Variants in PEX11B observed in about 807,000 individuals in gnomAD.
The protein encoded by PEX11B is peroxisomal biogenesis factor 11 beta.
A neutral mutation model predicts 28.2 loss-of-function variants in PEX11B; 18 were observed. That is an observed-to-expected ratio of 0.64 (90% CI 0.44 to 0.95). The LOEUF is 0.95. Ranked by LOEUF, PEX11B falls within the 40% of genes least tolerant of loss-of-function variation. The probability of loss-of-function intolerance (pLI) is 0.00; values close to 1 mark genes in which losing one functional copy is unlikely to be tolerated. For missense variants in PEX11B, 305 were observed against 319.8 expected, an observed-to-expected ratio of 0.95 and a Z score of 0.35; for synonymous variants, 128 against 128.7, an observed-to-expected ratio of 0.99 and a Z score of 0.04.
chr1:145,913,652 C>T (rs1035945587), intron 3 of PEX11B, among the ~76,000 whole-genome samples: 12 of 151,580 alleles, frequency 7.9e-5, no homozygotes, highest in African/African-American at 2.9e-4. Flanking sequence ...CTCAACTTGA[C>T]CTATAACAAG....
At chr1:145,917,057 T>A (rs1553754031) in intron 2 of PEX11B, 39 bp from the exon 3 acceptor site, 3 of 1,288,106 alleles carry the variant, frequency 2.3e-6, no homozygotes, top group Non-Finnish European at 3.4e-6. Flanking sequence ...GATTTGTAAG[T>A]GGAGAGGCAG....
rs932467909 is a variant in PEX11B at position 145,916,993 on chromosome 1, A to G, written c.198T>C (p.Asp66=). The G allele has an allele frequency of 2.5e-6, 4 of 1,613,086 alleles. No homozygotes were observed. Among genetic ancestry groups the G allele is most frequent in the Non-Finnish European group, 2.5e-6 (3 of 1,178,978 alleles). ...CAGCTCTTTTGGCTGACTCAAGGGC[A>G]TCTGCTGAGTTACCCAGGCGTAGAA... ...RKLLRLGNSA[D]ALESAKRAVH... Residue 66 remains aspartate (D), a synonymous_variant, in exon 3 of 4, where the codon GAT becomes GAC. Transcript: ENST00000369306.
At chr1:145,913,114 T>A (rs1459830040) in intron 3 of PEX11B, among the ~76,000 whole-genome samples, 1 of 147,582 alleles carries the variant, frequency 6.8e-6, no homozygotes, top group Non-Finnish European at 1.5e-5. Flanking sequence ...GGCTAACTCA[T>A]AGGGGCACAG....
chr1:145,915,542 T>G (rs1315661088), intron 3 of PEX11B, among the ~76,000 whole-genome samples: 1 of 152,076 alleles, frequency 6.6e-6, no homozygotes, highest in Non-Finnish European at 1.5e-5. Context: ...GTCAGCTACC[T>G]CCTTTGTCCA....
At chr1:145,913,592 A>AACAC (rs56031424) in intron 3 of PEX11B, among the ~76,000 whole-genome samples, 7,567 of 142,678 alleles carry the variant, frequency 0.053, 214 homozygotes, top group Non-Finnish European at 0.069. Context: ...TCCACTTGGC[A>AACAC]ACACACACAC....
rs1553754191 is a variant in PEX11B, at chr1:145,917,819, AGAG to A, written c.57-6_57-4del. 1.9e-6 allele frequency: 3 copies of A among 1,600,338 alleles called. No individual in the cohort carries two copies. The highest frequency in any genetic ancestry group is 1.3e-5 in the African/African-American group (1 of 74,650). ...GAGAGCAAGCATACTGGGCGGCCCT[AGAG>A]GAGAGGGCAGGCAAGGTAAGGTGGA... On this transcript the variant is annotated splice_polypyrimidine_tract_variant and splice_region_variant and intron_variant, in intron 1 of 3. Coordinates refer to ENST00000369306, the MANE Select transcript of PEX11B (RefSeq NM_003846.3).
chr1:145,916,860 C>A lies in PEX11B; in HGVS notation c.331G>T (p.Ala111Ser). Residue 111 changes from alanine (A) to serine (S), a missense_variant, in exon 3 of 4, where the codon GCT becomes TCT. Physicochemically the swap from Ala to Ser is moderately conservative, Grantham distance 99. Transcript: ENST00000369306. ...NVLWAGKSGL[A>S]PRVDQEKWAQ... ...CACTTCTCCTGATCCACACGGGGAGCCAGTCCAGACTTTCCAGCCCACAGG... is the reference window on the plus strand; with the variant it reads ...CACTTCTCCTGATCCACACGGGGAGACAGTCCAGACTTTCCAGCCCACAGG... 2 of 1,614,120 alleles carry A rather than the reference C, an allele frequency of 1.2e-6. No individual in the cohort carries two copies. The highest frequency in any genetic ancestry group is 1.7e-6 in the Non-Finnish European group (2 of 1,179,990).
intron 3 of PEX11B, among the ~76,000 whole-genome samples, chr1:145,914,405 A>T (rs1218802762): frequency 6.6e-6 from 1 of 151,798 alleles, no homozygotes; most frequent in Non-Finnish European, 1.5e-5. Context: ...CAAATAAACA[A>T]ACCACAGCTC....
Position 145,912,159 on chromosome 1 carries a change from G to T in PEX11B, c.*2C>A. ...GTCCCCTCCTTATCCTGTACCGGAA[G>T]GTCAGGGCTTGAGTCGTAGCCAGGG... On this transcript the variant is annotated 3_prime_UTR_variant, in exon 4 of 4. Coordinates refer to ENST00000369306, the MANE Select transcript of PEX11B (RefSeq NM_003846.3). The T allele has an allele frequency of 6.3e-7, 1 of 1,590,186 alleles. No individual in the cohort carries two copies. Among genetic ancestry groups the T allele is most frequent in the Non-Finnish European group, 8.6e-7 (1 of 1,167,182 alleles).
chr1:145,912,082 G>A lies in PEX11B; in HGVS notation c.*79C>T, dbSNP rs1328631078. 21 of 1,143,468 alleles carry A rather than the reference G, an allele frequency of 1.8e-5. No individual in the cohort carries two copies. The highest frequency in any genetic ancestry group is 1.5e-4 in the South Asian group (7 of 47,036). The allele number at this position is 1,143,468 out of a possible 1,614,324, so 70.8% of individuals were successfully genotyped here. ...TAACTTTAACCAAAGAGTAGAATTC[G>A]AATGAGGCTGGCACATGGGGGACGA... On this transcript the variant is annotated 3_prime_UTR_variant, in exon 4 of 4. Transcript: ENST00000369306.
Position 145,912,531 on chromosome 1 carries a change from C to G in PEX11B, c.410G>C (p.Arg137Pro). Residue 137 changes from arginine to proline, a missense_variant, in exon 4 of 4, where the codon CGT (arginine) becomes CCT (proline). Physicochemically the swap from Arg to Pro is moderately radical, Grantham distance 103. Coordinates refer to ENST00000369306, the MANE Select transcript of PEX11B (RefSeq NM_003846.3). ...CAGTAGGCGAATCTCATAAGCATCA[C>G]GGCTCAAATTCATGATGAGGGAAAA... ...YLFSLIMNLS[R>P]DAYEIRLLME... is the part of the protein sequence containing the mutation. 1 of 1,489,298 alleles carries G rather than the reference C, an allele frequency of 6.7e-7. No individual in the cohort carries two copies. Among genetic ancestry groups the G allele is most frequent in the Non-Finnish European group, 8.9e-7 (1 of 1,119,000 alleles). 92.3% of individuals were successfully genotyped at this position (1,489,298 alleles called of 1,614,324 possible). A position where few individuals can be genotyped will look rare whatever the true frequency, so the allele number is the denominator to read the frequency against.
Position 145,912,465 on chromosome 1 carries a change from C to G in PEX11B, c.476G>C (p.Gly159Ala). ...TCCTCCTGGGACTCCTCCTCCAGAA[C>G]CTTTCAGTCGCCGGCTACAAGCAGA... is the stretch of plus-strand genomic sequence containing the variant. Reference protein sequence around the residue: ...ESSACSRRLKGSGGGVPGGSE... With the variant: ...ESSACSRRLKASGGGVPGGSE... Residue 159 changes from glycine to alanine, a missense_variant, in exon 4 of 4, where the codon GGT (glycine) becomes GCT (alanine). By Grantham distance (60) the Gly-to-Ala change is moderately conservative (BLOSUM62 0). Coordinates refer to ENST00000369306, the MANE Select transcript of PEX11B (RefSeq NM_003846.3). 1 of 1,520,838 alleles carries G rather than the reference C, an allele frequency of 6.6e-7. No homozygotes were observed. Among genetic ancestry groups the G allele is most frequent in the Non-Finnish European group, 8.8e-7 (1 of 1,134,464 alleles). 94.2% of individuals were successfully genotyped at this position (1,520,838 alleles called of 1,614,324 possible). A position where few individuals can be genotyped will look rare whatever the true frequency, so the allele number is the denominator to read the frequency against.
At position 145,918,575 on chromosome 1, in the gene PEX11B, A is replaced by G. The variant is rs79534266; in HGVS notation, c.56+58T>C. On this transcript the variant is annotated intron_variant, in intron 1 of 3. Coordinates refer to ENST00000369306, the MANE Select transcript of PEX11B (RefSeq NM_003846.3). ...TAGCCTAAACTGACTTCGCCTCACT[A>G]GAGTCTTCCTCTGTCCATCCCTCCC... 2.8e-3 allele frequency: 4,356 copies of G among 1,562,940 alleles called. 63 individuals carry two copies. Among genetic ancestry groups the G allele is most frequent in the South Asian group, 0.026 (2,208 of 85,202 alleles).
At chr1:145,914,194 T>C (rs1292350709) in intron 3 of PEX11B, among the ~76,000 whole-genome samples, 2 of 152,092 alleles carry the variant, frequency 1.3e-5, no homozygotes, top group African/African-American at 4.8e-5. Flanking sequence ...ACCAACGTGG[T>C]GAAACCCTGT....
chr1:145,918,258 C>T (rs1647523221), intron 1 of PEX11B: 1 of 985,342 alleles, frequency 1.0e-6, no homozygotes, highest in African/African-American at 1.7e-5. Flanking sequence ...TCCCGAATGG[C>T]AGCACGGTGT....
chr1:145,918,674 G>T lies in PEX11B; in HGVS notation c.15C>A (p.Val5=), dbSNP rs781996531. The change falls in exon 1 of 4, where the codon GTC becomes GTA. Residue 5 remains valine, a synonymous_variant. Transcript: ENST00000369306. MDAW[V]RFSAQSQARE... is the part of the protein sequence containing the mutation. The stretch of plus-strand genomic sequence containing the variant: ...GGGCTTGGCTCTGAGCACTGAAGCG[G>T]ACCCAGGCGTCCATGACAGCCGCAG... The T allele has an allele frequency of 1.3e-6, 2 of 1,584,984 alleles. No homozygotes were observed. Among genetic ancestry groups the T allele is most frequent in the East Asian group, 4.6e-5 (2 of 43,760 alleles).
chr1:145,918,481 G>A, intron 1 of PEX11B, 152 bp downstream of exon 1: 2 of 1,536,824 alleles, frequency 1.3e-6, no homozygotes, highest in Non-Finnish European at 1.7e-6. Context: ...TCTCAACAGC[G>A]GCTCAAATCT....
chr1:145,914,705 T>C (rs1375371191), intron 3 of PEX11B, among the ~76,000 whole-genome samples: 1 of 152,250 alleles, frequency 6.6e-6, no homozygotes, highest in Non-Finnish European at 1.5e-5. Flanking sequence ...TCTTCAGGTA[T>C]GAGCTTAAGT....
intron 3 of PEX11B, among the ~76,000 whole-genome samples, chr1:145,913,302 A>T (rs1657889272): frequency 6.6e-6 from 1 of 152,176 alleles, no homozygotes; most frequent in South Asian, 2.1e-4. Flanking sequence ...GTAGATCTTA[A>T]GTGTTCTTAC....
Sources: allele counts gnomAD v4.1 joint callset (sites outside exome capture counted in the v4.1 genomes callset), GRCh38; gene constraint gnomAD v4.1.1; transcripts MANE v1.5; gene names NCBI Gene and HGNC (gene_info 2026-07-23, HGNC 2026-07-21).